Variants in LMF1 observed in about 807,000 individuals in gnomAD.
LMF1 encodes lipase maturation factor 1.
In LMF1, 68 loss-of-function variants were observed where a neutral mutation model predicts 60.6. The observed-to-expected ratio is 1.12, with a 90% CI of 0.92 to 1.37. The LOEUF is 1.37. Among genes scored for constraint, LMF1 ranks in the 40% most tolerant of loss-of-function variants. LMF1 has a pLI of 0.00. For synonymous variants in LMF1, 418 were observed against 324.7 expected, an observed-to-expected ratio of 1.29 and a Z score of -3.09; for missense variants, 948 against 767.2, an observed-to-expected ratio of 1.24 and a Z score of -2.78.
chr16:940,839 T>C (rs2072082236), intron 2 of LMF1, among the ~76,000 whole-genome samples: 1 of 152,224 alleles, frequency 6.6e-6, no homozygotes, highest in African/African-American at 2.4e-5. Context: ...TGATCTTCTA[T>C]GTCTTCTTTT....
At chr16:863,240 G>A (rs529030006) in intron 10 of LMF1, among the ~76,000 whole-genome samples, 5 of 152,196 alleles carry the variant, frequency 3.3e-5, no homozygotes, top group South Asian at 4.2e-4. Flanking sequence ...GTCTCGGCTC[G>A]AGCAATTCTC....
At chr16:958,907 A>AC (rs36025815) in intron 1 of LMF1, among the ~76,000 whole-genome samples, 2 of 116,354 alleles carry the variant, frequency 1.7e-5, no homozygotes, top group African/African-American at 8.0e-5. Context: ...AAAAAAACAA[A>AC]ACAAAAAAAA....
At chr16:976,993 G>A (rs1380215019) in intron 1 of LMF1, 1 of 453,888 alleles carries the variant, frequency 2.2e-6, no homozygotes, top group Non-Finnish European at 4.4e-6. Flanking sequence ...CCTCCGTGGA[G>A]GTCGGGGGCA....
chr16:860,614 T>G (rs2069433479), intron 10 of LMF1, among the ~76,000 whole-genome samples: 2 of 152,158 alleles, frequency 1.3e-5, no homozygotes, highest in African/African-American at 4.8e-5. Flanking sequence ...GTGCTGGGAT[T>G]ACAGATGTGG....
At chr16:979,872 T>C in intron 1 of LMF1, 1 of 415,596 alleles carries the variant, frequency 2.4e-6, no homozygotes, top group Non-Finnish European at 4.9e-6. Context: ...GCCTAACAGA[T>C]GAGTTCCGCG....
chr16:857,454 G>GCCC (rs1393871432), intron 10 of LMF1, among the ~76,000 whole-genome samples: 1 of 147,582 alleles, frequency 6.8e-6, no homozygotes, highest in African/African-American at 2.6e-5. Flanking sequence ...ACGGGTGTGA[G>GCCC]TGGTGTCTCG....
At chr16:899,597 A>G (rs936559438) in intron 4 of LMF1, 12 of 152,226 alleles carry the variant, frequency 7.9e-5, no homozygotes, top group Non-Finnish European at 1.5e-4. Context: ...GTTTAATGTG[A>G]TTTCATCAGT....
chr16:860,788 T>C (rs2069440281), intron 10 of LMF1, among the ~76,000 whole-genome samples: 1 of 152,160 alleles, frequency 6.6e-6, no homozygotes, highest in Non-Finnish European at 1.5e-5. Context: ...CCGGGCATGT[T>C]TGTTTGGGTC....
At chr16:965,118 T>C (rs1055890139) in intron 1 of LMF1, among the ~76,000 whole-genome samples, 5 of 152,348 alleles carry the variant, frequency 3.3e-5, no homozygotes, top group Admixed American at 2.0e-4. Flanking sequence ...GCGTTGGGCA[T>C]TCCTTCTGCA....
intron 3 of LMF1, among the ~76,000 whole-genome samples, chr16:926,423 G>A (rs2071605435): frequency 6.6e-6 from 1 of 152,024 alleles, no homozygotes; most frequent in Non-Finnish European, 1.5e-5. Context: ...ATGCATCTGT[G>A]TATGTCCATG....
Position 950,419 on chromosome 16 carries a change from A to C in LMF1, c.503+3938T>G, listed in dbSNP as rs681012. Among the ~76,000 whole-genome samples, 19 of 138,012 alleles carry C rather than the reference A, an allele frequency of 1.4e-4. 1 individual carries two copies. Among genetic ancestry groups the C allele is most frequent in the East Asian group, 2.2e-4 (1 of 4,550 alleles). The allele number at this position is 138,012 out of a possible 152,430, so 90.5% of individuals were successfully genotyped here. A position where few individuals can be genotyped will look rare whatever the true frequency, so the allele number is the denominator to read the frequency against. On this transcript the variant is annotated intron_variant, in intron 2 of 10. Transcript: ENST00000262301. ...GTCAGAGCCAACGACAGAGTCAGAG[A>C]CAACGACAGAGTTAGAGACAACGAC... is the stretch of plus-strand genomic sequence containing the variant.
rs1191127331 is a variant in LMF1 at position 854,158 on chromosome 16, G to C, written c.*374C>G. 2.1e-6 allele frequency: 1 copy of C among 485,494 alleles called. No homozygotes were observed. Among genetic ancestry groups the C allele is most frequent in the Admixed American group, 2.3e-5 (1 of 43,392 alleles). 30.1% of individuals were successfully genotyped at this position (485,494 alleles called of 1,614,324 possible). A position where few individuals can be genotyped will look rare whatever the true frequency, so the allele number is the denominator to read the frequency against. ...GGCCCTGGGACGCTAGAGACCCCAAGAGCTACCTGGCTGGGTCTATGGTCA... is the reference window on the plus strand; with the variant it reads ...GGCCCTGGGACGCTAGAGACCCCAACAGCTACCTGGCTGGGTCTATGGTCA... On this transcript the variant is annotated 3_prime_UTR_variant, in exon 11 of 11. Coordinates refer to ENST00000262301, the MANE Select transcript of LMF1 (RefSeq NM_022773.4).
intron 6 of LMF1, among the ~76,000 whole-genome samples, chr16:876,332 G>A (rs917331803): frequency 6.6e-6 from 1 of 152,210 alleles, no homozygotes; most frequent in Non-Finnish European, 1.5e-5. Context: ...GAGGGTCGGC[G>A]GGGCACAGAG....
intron 3 of LMF1, among the ~76,000 whole-genome samples, chr16:912,574 CG>C (rs1462362273): frequency 1.3e-5 from 2 of 152,222 alleles, no homozygotes; most frequent in African/African-American, 2.4e-5. Context: ...AATGGACAGA[CG>C]GTCAGTCCTT....
intron 2 of LMF1, among the ~76,000 whole-genome samples, chr16:944,921 A>G (rs1363272154): frequency 1.3e-5 from 2 of 151,446 alleles, no homozygotes; most frequent in African/African-American, 4.9e-5. Flanking sequence ...GTTAGGTTAA[A>G]AAAAATAGGG....
intron 5 of LMF1, among the ~76,000 whole-genome samples, chr16:888,269 G>A (rs1243744926): frequency 6.6e-6 from 1 of 152,224 alleles, no homozygotes; most frequent in Non-Finnish European, 1.5e-5. Flanking sequence ...TCTGGGAAGT[G>A]GCTCCGAAAG....
chr16:876,744 G>C (rs144036917), intron 6 of LMF1, among the ~76,000 whole-genome samples: 3 of 152,068 alleles, frequency 2.0e-5, no homozygotes, highest in African/African-American at 7.2e-5. Context: ...TGAGGACCTC[G>C]GGGGGTCATG....
chr16:918,806 G>A (rs980330918), intron 3 of LMF1, among the ~76,000 whole-genome samples: 1 of 151,876 alleles, frequency 6.6e-6, no homozygotes, highest in African/African-American at 2.4e-5. Flanking sequence ...GACGTCCCGG[G>A]GCGCACCCCG....
At position 878,597 on chromosome 16, in the gene LMF1, C is replaced by T. The variant is rs949577571; in HGVS notation, c.897+973G>A. On this transcript the variant is annotated intron_variant, in intron 6 of 10. Coordinates refer to ENST00000262301, the MANE Select transcript of LMF1 (RefSeq NM_022773.4). The surrounding 1 kb of genome is among the most constrained non-coding windows in gnomAD (Gnocchi z 5.2). ...GCACAGACGGGACGGGTGAACCGACCGCAGGCACGCACCGTGAAACAGGAC... is the reference window on the plus strand; with the variant it reads ...GCACAGACGGGACGGGTGAACCGACTGCAGGCACGCACCGTGAAACAGGAC... Among the ~76,000 whole-genome samples, 38 of 152,190 alleles carry T rather than the reference C, an allele frequency of 2.5e-4. No individual in the cohort carries two copies. The highest frequency in any genetic ancestry group is 1.5e-4 in the Non-Finnish European group (10 of 68,034).
Sources: allele counts gnomAD v4.1 joint callset (sites outside exome capture counted in the v4.1 genomes callset), GRCh38; gene constraint gnomAD v4.1.1; non-coding constraint Gnocchi (gnomAD v3.1); transcripts MANE v1.5; gene names NCBI Gene and HGNC (gene_info 2026-07-23, HGNC 2026-07-21).